DTL: variants seen among roughly 807,000 people sequenced by gnomAD.
The protein encoded by DTL is denticleless E3 ubiquitin protein ligase adapter.
Under a neutral mutation model 87.0 loss-of-function variants are expected in DTL, and 46 were observed. The ratio of observed to expected loss-of-function variants is 0.53; its 90% CI spans 0.42 to 0.68. DTL has a LOEUF of 0.68. Among genes scored for constraint, DTL ranks in the 30% least tolerant of loss-of-function variants. DTL has a pLI of 0.00. For synonymous variants in DTL, 308 were observed against 311.2 expected (o/e 0.99, Z 0.11); for missense variants, 737 against 869.4 (o/e 0.85, Z 1.91).
At position 212,100,460 on chromosome 1, in the gene DTL, T is replaced by C. The variant is rs752052770; in HGVS notation, c.1470T>C (p.Ser490=). ...GAAGAGGCTCTGTCTCCTCCGTCTCTCCCAAGCCACCTTCATCTTTCAAGA... is the reference window on the plus strand; with the variant it reads ...GAAGAGGCTCTGTCTCCTCCGTCTCCCCCAAGCCACCTTCATCTTTCAAGA... ...INRRGSVSSV[S]PKPPSSFKMS... The change falls in exon 14 of 15, where the codon TCT becomes TCC. Residue 490 remains serine (S), a synonymous_variant. Coordinates refer to ENST00000366991, the MANE Select transcript of DTL (RefSeq NM_016448.4). The C allele has an allele frequency of 2.5e-6, 4 of 1,613,776 alleles. No homozygotes were observed. In the South Asian group the frequency reaches 4.4e-5, roughly 18 times the overall value.
intron 13 of DTL, among the ~76,000 whole-genome samples, chr1:212,087,788 C>A (rs913650467): frequency 2.0e-5 from 3 of 152,150 alleles, no homozygotes; most frequent in Non-Finnish European, 4.4e-5. Flanking sequence ...ATCATGTTCC[C>A]CTGCTTTCCC....
At position 212,092,323 on chromosome 1, in the gene DTL, T is replaced by G. The variant is rs578030803; in HGVS notation, c.1262-7929T>G. On this transcript the variant is annotated intron_variant, in intron 13 of 14. Coordinates refer to ENST00000366991, the MANE Select transcript of DTL (RefSeq NM_016448.4). ...GCCAAGGCAGGTGGATCACCTGAGG[T>G]CAGGAATTCAAGACCAGCCTGGCCA... Among the ~76,000 whole-genome samples, 18 of 152,212 alleles carry G rather than the reference T, an allele frequency of 1.2e-4. No homozygotes were observed. The South Asian group carries it at 2.9e-3, about 25-fold the overall frequency.
chr1:212,094,904 T>C (rs1024889718), intron 13 of DTL, among the ~76,000 whole-genome samples: 5 of 152,224 alleles, frequency 3.3e-5, no homozygotes, highest in African/African-American at 1.2e-4. Context: ...TTGCTGTTGC[T>C]GTATAGCAGT....
At chr1:212,089,806 G>C (rs987141414) in intron 13 of DTL, among the ~76,000 whole-genome samples, 3 of 152,178 alleles carry the variant, frequency 2.0e-5, no homozygotes, top group African/African-American at 7.2e-5. Context: ...ACTCCAGTGT[G>C]TGCCATGCAA....
chr1:212,067,724 T>G (rs1323777681), intron 8 of DTL, among the ~76,000 whole-genome samples: 1 of 152,200 alleles, frequency 6.6e-6, no homozygotes, highest in Non-Finnish European at 1.5e-5. Flanking sequence ...TGTTTTCAAG[T>G]TACCTTTATA....
chr1:212,065,774 T>G (rs1282356895), intron 7 of DTL, among the ~76,000 whole-genome samples: 4 of 152,136 alleles, frequency 2.6e-5, no homozygotes, highest in Non-Finnish European at 5.9e-5. Context: ...GGCGCAATCT[T>G]GGCTCACTGC....
At chr1:212,047,096 T>TG (rs34505404) in intron 3 of DTL, 55 bp from the exon 4 acceptor site, 1 of 1,498,782 alleles carries the variant, frequency 6.7e-7, no homozygotes, top group Admixed American at 1.7e-5. Flanking sequence ...TATATTAATA[T>TG]GGGTACCACA....
intron 13 of DTL, among the ~76,000 whole-genome samples, chr1:212,097,366 G>T (rs554160101): frequency 3.4e-4 from 52 of 152,160 alleles, no homozygotes; most frequent in Non-Finnish European, 5.3e-4. Context: ...GGTGTTCTTT[G>T]AGCTTCTTGT....
At chr1:212,048,129 A>G (rs1395060073) in intron 5 of DTL, among the ~76,000 whole-genome samples, 4 of 152,216 alleles carry the variant, frequency 2.6e-5, no homozygotes, top group African/African-American at 4.8e-5. Context: ...GATAAACAAC[A>G]TAATTTTTTT....
chr1:212,062,791 C>T, intron 5 of DTL, 93 bp from the exon 6 acceptor site: 2 of 935,464 alleles, frequency 2.1e-6, no homozygotes, highest in Non-Finnish European at 3.5e-6. Flanking sequence ...CAGTACCTAG[C>T]ACATAATAGA....
chr1:212,090,760 A>G (rs115641267), intron 13 of DTL, among the ~76,000 whole-genome samples: 1,691 of 152,378 alleles, frequency 0.011, 32 homozygotes, highest in African/African-American at 0.038. Context: ...TTTGTAAAAT[A>G]AAGTGGGAAG....
At chr1:212,082,920 A>C (rs1655028607) in intron 13 of DTL, among the ~76,000 whole-genome samples, 1 of 152,222 alleles carries the variant, frequency 6.6e-6, no homozygotes, top group Admixed American at 6.5e-5. Flanking sequence ...CTATGCAAGT[A>C]CAAGTATACT....
At chr1:212,044,472 C>T (rs529268514) in intron 2 of DTL, among the ~76,000 whole-genome samples, 188 bp from the exon 3 acceptor site, 91 of 151,938 alleles carry the variant, frequency 6.0e-4, no homozygotes, top group Non-Finnish European at 1.2e-3. Flanking sequence ...GGCGTGGTGG[C>T]GCATGCCTGT....
chr1:212,040,331 C>T (rs1339577481), intron 1 of DTL, among the ~76,000 whole-genome samples: 2 of 152,170 alleles, frequency 1.3e-5, no homozygotes, highest in Non-Finnish European at 1.5e-5. Context: ...GACTGTATAT[C>T]GTAGTTGAGT....
intron 5 of DTL, among the ~76,000 whole-genome samples, chr1:212,059,028 C>G (rs1210921351): frequency 6.6e-6 from 1 of 151,982 alleles, no homozygotes; most frequent in African/African-American, 2.4e-5. Context: ...AAGATCAAAG[C>G]AATAATAAAA....
intron 11 of DTL, 29 bp from the exon 12 acceptor site, chr1:212,078,144 G>C: frequency 7.4e-7 from 1 of 1,346,702 alleles, no homozygotes; most frequent in Non-Finnish European, 1.1e-6. Context: ...ATATTGCTTT[G>C]CTGACTTGTT....
intron 13 of DTL, among the ~76,000 whole-genome samples, chr1:212,081,081 C>A (rs1275268386): frequency 6.6e-6 from 1 of 151,772 alleles, no homozygotes; most frequent in African/African-American, 2.4e-5. Flanking sequence ...GTGTGAGAGG[C>A]AATAAACAAG....
chr1:212,059,905 T>C (rs1312160074), intron 5 of DTL, among the ~76,000 whole-genome samples: 1 of 148,292 alleles, frequency 6.7e-6, no homozygotes, highest in African/African-American at 2.5e-5. Flanking sequence ...GAGAGAGAAA[T>C]CAGGAAGGCA....
At chr1:212,093,189 C>G (rs1586660) in intron 13 of DTL, among the ~76,000 whole-genome samples, 139,510 of 152,178 alleles carry the variant, frequency 0.92, 64,171 homozygotes, top group East Asian at 1. Flanking sequence ...TTCAATGCCC[C>G]GGTGCTCAGA....
Sources: gnomAD v4.1 joint callset for allele counts (sites outside exome capture counted in the v4.1 genomes callset) on GRCh38, gnomAD v4.1.1 for gene constraint, MANE v1.5 for transcripts, NCBI Gene and HGNC (gene_info 2026-07-23, HGNC 2026-07-21) for gene names.